SNED1: variants seen among roughly 807,000 people sequenced by gnomAD.
SNED1 encodes sushi, nidogen and EGF like domains 1.
In SNED1, 81 loss-of-function variants were observed where a neutral mutation model predicts 166.7. The observed-to-expected ratio is 0.49, with a 90% CI of 0.41 to 0.58. The LOEUF is 0.58. Ranked by LOEUF, SNED1 falls within the 20% of genes least tolerant of loss-of-function variation. SNED1 has a pLI of 0.00. For synonymous variants in SNED1, 762 were observed against 822.0 expected (o/e 0.93, Z 1.25); for missense variants, 1,604 against 2,000.2 (o/e 0.80, Z 3.78).
Position 241,048,304 on chromosome 2 carries a change from C to T in SNED1, c.1274-11C>T. ...CTGCGTGGCCGCTGGTGACTGCCGT[C>T]TTTCTTGCAGGAGACCATCCAGTGC... is the stretch of plus-strand genomic sequence containing the variant. On this transcript the variant is annotated splice_polypyrimidine_tract_variant and intron_variant, in intron 8 of 31. Transcript: ENST00000310397. 2.5e-6 allele frequency: 4 copies of T among 1,589,554 alleles called. No individual in the cohort carries two copies. The highest frequency in any genetic ancestry group is 2.6e-6 in the Non-Finnish European group (3 of 1,170,602).
chr2:241,071,711 AG>A lies in SNED1; in HGVS notation c.3726del (p.Gln1242HisfsTer15). The A allele has an allele frequency of 1.3e-6, 1 of 793,420 alleles. No individual in the cohort carries two copies. Among genetic ancestry groups the A allele is most frequent in the Non-Finnish European group, 1.8e-6 (1 of 564,626 alleles). The allele number at this position is 793,420 out of a possible 1,614,324, so 49.1% of individuals were successfully genotyped here. A position where few individuals can be genotyped will look rare whatever the true frequency, so the allele number is the denominator to read the frequency against. On this transcript the variant is annotated frameshift_variant, in exon 25 of 32. Coordinates refer to ENST00000310397, the MANE Select transcript of SNED1 (RefSeq NM_001080437.3). LOFTEE classifies it high-confidence loss of function. ...CACAGCGCCCCCGAGACCCCCACCCAGCCCCCCAGGTACATGCCCCACCCAT... is the reference window on the plus strand; with the variant it reads ...CACAGCGCCCCCGAGACCCCCACCCACCCCCCAGGTACATGCCCCACCCAT... Reference protein sequence around the residue: ...NDHSAPETPTQPPRFSELVDG... With the variant: ...NDHSAPETPTXPPRFSELVDG...
upstream of SNED1, among the ~76,000 whole-genome samples, chr2:240,998,047 T>C (rs929312512): frequency 1.3e-5 from 2 of 152,236 alleles, no homozygotes; most frequent in African/African-American, 4.8e-5. Flanking sequence ...GAGGGTTTGC[T>C]TTACCCAGGG....
intron 2 of SNED1, 120 bp downstream of exon 2, chr2:241,030,691 G>T: frequency 9.3e-7 from 1 of 1,071,018 alleles, no homozygotes; most frequent in South Asian, 1.6e-5. Context: ...ATACCCAAGA[G>T]GGGAACACGT....
intron 1 of SNED1, among the ~76,000 whole-genome samples, chr2:241,016,453 C>T (rs1483861211): frequency 6.6e-6 from 1 of 152,034 alleles, no homozygotes; most frequent in African/African-American, 2.4e-5. Flanking sequence ...GCCTCGGCCT[C>T]CCAAAGTGCT....
At position 241,071,586 on chromosome 2, in the gene SNED1, T is replaced by G; in HGVS notation, c.3600T>G (p.Asp1200Glu). The G allele has an allele frequency of 6.3e-7, 1 of 1,587,238 alleles. No individual in the cohort carries two copies. The highest frequency in any genetic ancestry group is 8.5e-7 in the Non-Finnish European group (1 of 1,174,150). ...CTGCCTGCTCTGCAGCCCCCAGGGA[T>G]GGCGCTGACAGACGCTGGCACCAGG... is the stretch of plus-strand genomic sequence containing the variant. ...AHLYIITSPR[D>E]GADRRWHQGG... The change falls in exon 25 of 32, where the codon GAT becomes GAG. Residue 1200 changes from aspartate (D) to glutamate (E), a missense_variant. Around this residue, in one of 2 missense-constraint regions of SNED1, gnomAD observed 367 missense variants for 379.4 expected, o/e 0.97. Transcript: ENST00000310397.
At chr2:241,055,377 A>G (rs772429758) in intron 16 of SNED1, among the ~76,000 whole-genome samples, 1 of 152,224 alleles carries the variant, frequency 6.6e-6, no homozygotes, top group African/African-American at 2.4e-5. Flanking sequence ...TAACTTCCAG[A>G]GGGAAAATCA....
rs1333703818 is a variant in SNED1 at position 241,067,900 on chromosome 2, G to T, written c.3147G>T (p.Arg1049Ser). The change falls in exon 22 of 32, where the codon AGG becomes AGT. Residue 1049 changes from arginine to serine, a missense_variant. Around this residue, in one of 2 missense-constraint regions of SNED1, gnomAD observed 1,237 missense variants for 1,620.8 expected, o/e 0.76. Transcript: ENST00000310397. ...CCATCCGCCACCCTGAGGCCCTCAG[G>T]GACCAGGCCACCGATGTGGACAGGA... ...RVSIRHPEAL[R>S]DQATDVDRSV... 1.2e-6 allele frequency: 2 copies of T among 1,613,336 alleles called. No homozygotes were observed. The highest frequency in any genetic ancestry group is 3.3e-5 in the Admixed American group (2 of 59,996).
chr2:241,040,020 C>CCT, intron 6 of SNED1, 55 bp from the exon 7 acceptor site: 1 of 1,382,158 alleles, frequency 7.2e-7, no homozygotes, highest in Non-Finnish European at 1.0e-6. Context: ...GTTTCTGTCC[C>CCT]CTCAGGTAAC....
chr2:241,049,985 G>A (rs2061782638), intron 12 of SNED1, 52 bp downstream of exon 12: 4 of 1,327,862 alleles, frequency 3.0e-6, no homozygotes, highest in South Asian at 1.2e-5. Flanking sequence ...GAGAGCGCCC[G>A]CGGTCCGCCG....
chr2:241,055,633 C>G (rs556416165), intron 16 of SNED1, among the ~76,000 whole-genome samples: 79 of 152,300 alleles, frequency 5.2e-4, no homozygotes, highest in African/African-American at 1.8e-3. Flanking sequence ...CTTTCATCCT[C>G]CAGCCAAATT....
At chr2:241,005,787 A>G (rs894839489) in intron 1 of SNED1, among the ~76,000 whole-genome samples, 13 of 151,942 alleles carry the variant, frequency 8.6e-5, no homozygotes, top group Middle Eastern at 3.4e-3. Flanking sequence ...GTCCCTCCGC[A>G]TATGCATCTT....
At chr2:241,071,931 G>A (rs2062742984) in intron 26 of SNED1, 53 bp downstream of exon 26, 2 of 1,398,824 alleles carry the variant, frequency 1.4e-6, no homozygotes, top group Non-Finnish European at 9.9e-7. Flanking sequence ...CGTCCTCACT[G>A]CCACTCTCAC....
chr2:241,041,021 CT>C (rs1379326145), intron 8 of SNED1: 1 of 367,976 alleles, frequency 2.7e-6, no homozygotes, highest in Non-Finnish European at 5.5e-6. Context: ...GCACCAGGTG[CT>C]GCTTCTCTCC....
At chr2:241,002,364 C>T (rs540807218) in intron 1 of SNED1, among the ~76,000 whole-genome samples, 1 of 152,194 alleles carries the variant, frequency 6.6e-6, no homozygotes, top group Non-Finnish European at 1.5e-5. Context: ...TGGAACACCC[C>T]AGCAAATGCA....
chr2:241,067,544 C>T (rs952339756), intron 21 of SNED1, among the ~76,000 whole-genome samples: 3 of 152,176 alleles, frequency 2.0e-5, no homozygotes, highest in Non-Finnish European at 4.4e-5. Flanking sequence ...GCGGGCTCTG[C>T]AGCCGTCATG....
chr2:241,087,346 A>AT (rs1559316308), intron 29 of SNED1, 46 bp from the exon 30 acceptor site: 2 of 1,545,668 alleles, frequency 1.3e-6, no homozygotes, highest in Admixed American at 4.0e-5. Flanking sequence ...AGTTGGCAAC[A>AT]TTTTGCTTCA....
In SNED1 at chr2:241,071,888, A is replaced by G. The variant is rs78124613; in HGVS notation, c.3817+10A>G. 6,790 of 1,591,266 alleles carry G rather than the reference A, an allele frequency of 4.3e-3. 58 individuals carry two copies. Among genetic ancestry groups the G allele is most frequent in the East Asian group, 0.035 (1,525 of 43,584 alleles). On this transcript the variant is annotated intron_variant, in intron 26 of 31. Coordinates refer to ENST00000310397, the MANE Select transcript of SNED1 (RefSeq NM_001080437.3). ...GCCACCGTGAGATCACGTGAGTGCCAGGGCCTCCCCACCCACCTTGGTGGC... is the reference window on the plus strand; with the variant it reads ...GCCACCGTGAGATCACGTGAGTGCCGGGGCCTCCCCACCCACCTTGGTGGC...
At chr2:241,088,344 A>C in intron 30 of SNED1, 21 bp from the exon 31 acceptor site, 1 of 1,588,456 alleles carries the variant, frequency 6.3e-7, no homozygotes, top group Non-Finnish European at 8.6e-7. Flanking sequence ...TCATTAAACG[A>C]CTTTTCTCTA....
At chr2:241,072,082 G>T (rs1013590077) in intron 26 of SNED1, 1 of 701,908 alleles carries the variant, frequency 1.4e-6, no homozygotes, top group Middle Eastern at 2.3e-4. Flanking sequence ...GGGGCAGCTC[G>T]TGAGGGCCTC....
Sources: allele counts gnomAD v4.1 joint callset (sites outside exome capture counted in the v4.1 genomes callset), GRCh38; gene constraint gnomAD v4.1.1; regional missense constraint gnomAD v4.1.1; transcripts MANE v1.5; gene names NCBI Gene and HGNC (gene_info 2026-07-23, HGNC 2026-07-21).